CSMD1: variants seen among roughly 807,000 people sequenced by gnomAD.
CSMD1 encodes the protein CUB and Sushi multiple domains 1, also known as CUB and sushi domain-containing protein 1.
A neutral mutation model predicts 417.5 loss-of-function variants in CSMD1; 213 were observed. That is an observed-to-expected ratio of 0.51 (90% CI 0.46 to 0.57). The LOEUF is 0.57. Among genes scored for constraint, CSMD1 ranks in the 20% least tolerant of loss-of-function variants. The pLI is 0.00. For synonymous variants in CSMD1, 2,862 were observed against 1,736.8 expected (o/e 1.65, Z -16.11); for missense variants, 6,923 against 4,529.7 (o/e 1.53, Z -15.17).
At chr8:3,417,705 C>A (rs781420816) in intron 12 of CSMD1, among the ~76,000 whole-genome samples, 48 of 152,084 alleles carry the variant, frequency 3.2e-4, no homozygotes, top group Non-Finnish European at 6.0e-4. Flanking sequence ...CCACACTGTG[C>A]CTGCTCTTAG....
intron 1 of CSMD1, among the ~76,000 whole-genome samples, chr8:4,652,016 T>C (rs574037485): frequency 8.5e-5 from 13 of 152,330 alleles, no homozygotes; most frequent in Non-Finnish European, 1.6e-4. Flanking sequence ...AATGTCTAAG[T>C]CTCAGCTTTC....
chr8:4,085,312 G>T (rs957834620), intron 3 of CSMD1, among the ~76,000 whole-genome samples: 9 of 152,114 alleles, frequency 5.9e-5, no homozygotes, highest in African/African-American at 1.9e-4. Context: ...GAAGTTTAAT[G>T]AAGCTTCTTG....
chr8:3,897,480 AT>A (rs1196421633), intron 5 of CSMD1, among the ~76,000 whole-genome samples: 1 of 152,176 alleles, frequency 6.6e-6, no homozygotes, highest in African/African-American at 2.4e-5. Context: ...CTAAATTTTT[AT>A]TTATGATCTT....
intron 2 of CSMD1, among the ~76,000 whole-genome samples, chr8:4,508,430 C>A (rs1216163546): frequency 6.6e-6 from 1 of 152,118 alleles, no homozygotes; most frequent in Non-Finnish European, 1.5e-5. Context: ...TCAAAGTCAA[C>A]CCACTTAGAT....
At chr8:4,757,906 C>G (rs1811768691) in intron 1 of CSMD1, among the ~76,000 whole-genome samples, 1 of 148,996 alleles carries the variant, frequency 6.7e-6, no homozygotes, top group South Asian at 2.1e-4. Context: ...TTGAAGGGAG[C>G]CGACATTGTG....
chr8:4,270,242 T>C (rs1258476133), intron 3 of CSMD1, among the ~76,000 whole-genome samples: 1 of 152,194 alleles, frequency 6.6e-6, no homozygotes, highest in Non-Finnish European at 1.5e-5. Flanking sequence ...TTCTTTCTCA[T>C]GTCTCTTACA....
At chr8:4,961,579 T>C (rs10090818) in intron 1 of CSMD1, among the ~76,000 whole-genome samples, 1,953 of 152,310 alleles carry the variant, frequency 0.013, 34 homozygotes, top group African/African-American at 0.043. Context: ...TGTTATCTAG[T>C]GCTCATGGTT....
chr8:4,343,932 T>A lies in CSMD1; in HGVS notation c.415+76021A>T, dbSNP rs1800630858. Among the ~76,000 whole-genome samples the A allele has an allele frequency of 2.0e-5, 3 of 152,116 alleles. No homozygotes were observed. The South Asian group carries it at 6.2e-4, about 31-fold the overall frequency. On this transcript the variant is annotated intron_variant, in intron 3 of 69. Coordinates refer to ENST00000635120, the MANE Select transcript of CSMD1 (RefSeq NM_033225.6). ...CTTTTAAATACTGCCAAGAGAAGTG[T>A]TTTAAAAATTATAATAAGTATTTTC...
intron 21 of CSMD1, among the ~76,000 whole-genome samples, chr8:3,357,247 T>A (rs1026455646): frequency 1.3e-5 from 2 of 152,172 alleles, no homozygotes; most frequent in African/African-American, 2.4e-5. Context: ...TCCAAGGCCC[T>A]CCTGTCCAGT....
intron 3 of CSMD1, among the ~76,000 whole-genome samples, chr8:4,033,130 GAAAA>G (rs58668077): frequency 3.1e-4 from 25 of 80,654 alleles, no homozygotes; most frequent in Middle Eastern, 0.013. Flanking sequence ...TTTCCAATAT[GAAAA>G]AAAAAAAAAA....
chr8:4,874,432 C>G (rs1717922280), intron 1 of CSMD1, among the ~76,000 whole-genome samples: 1 of 148,928 alleles, frequency 6.7e-6, no homozygotes, highest in Non-Finnish European at 1.5e-5. Flanking sequence ...CTCTGTCACC[C>G]AGGCTGGCAT....
intron 3 of CSMD1, among the ~76,000 whole-genome samples, chr8:4,402,464 C>A (rs1379244542): frequency 1.3e-5 from 2 of 152,124 alleles, no homozygotes; most frequent in Admixed American, 1.3e-4. Flanking sequence ...GCTAAGCTTC[C>A]TGGTCTCTCT....
At chr8:4,893,352 C>G (rs868777090) in intron 1 of CSMD1, among the ~76,000 whole-genome samples, 3 of 151,886 alleles carry the variant, frequency 2.0e-5, no homozygotes, top group Admixed American at 6.5e-5. Flanking sequence ...TTTTCTGTCA[C>G]TTTTTTAACT....
chr8:3,539,226 T>A (rs561540398), intron 10 of CSMD1, among the ~76,000 whole-genome samples: 1 of 152,288 alleles, frequency 6.6e-6, no homozygotes, highest in East Asian at 1.9e-4. Context: ...GGCTGCCTCA[T>A]GTGTATCATT....
rs115201729 is a variant in CSMD1, at chr8:3,748,721, G to A, written c.931+5209C>T. ...CAAATTAGAATTAACCTGGGAACAT[G>A]GGGCTTTCAATAACTCAAAATGCCT... On this transcript the variant is annotated intron_variant, in intron 6 of 69. Transcript: ENST00000635120. Among the ~76,000 whole-genome samples the A allele has an allele frequency of 6.5e-3, 992 of 152,294 alleles. 12 individuals carry two copies. The highest frequency in any genetic ancestry group is 0.034 in the Middle Eastern group (10 of 294).
chr8:4,575,819 C>G (rs757287482), intron 2 of CSMD1, among the ~76,000 whole-genome samples: 4 of 152,126 alleles, frequency 2.6e-5, no homozygotes, highest in Admixed American at 1.3e-4. Flanking sequence ...AGTCTGAGGT[C>G]GCAATGTCCT....
At chr8:4,611,465 T>C (rs560001815) in intron 2 of CSMD1, among the ~76,000 whole-genome samples, 1 of 152,296 alleles carries the variant, frequency 6.6e-6, no homozygotes, top group South Asian at 2.1e-4. Flanking sequence ...CATTTCCTGA[T>C]TGTATAGTTT....
chr8:4,931,194 A>G (rs1296177469), intron 1 of CSMD1, among the ~76,000 whole-genome samples: 3 of 152,204 alleles, frequency 2.0e-5, no homozygotes, highest in Admixed American at 1.3e-4. Context: ...GCAGTCCTAA[A>G]AGATTGAAAT....
chr8:3,511,177 C>A (rs373173016), intron 10 of CSMD1, among the ~76,000 whole-genome samples: 1 of 151,604 alleles, frequency 6.6e-6, no homozygotes, highest in Non-Finnish European at 1.5e-5. Flanking sequence ...GGGAGTTGAA[C>A]AATGAGGACA....
Sources: allele counts gnomAD v4.1 joint callset (sites outside exome capture counted in the v4.1 genomes callset), GRCh38; gene constraint gnomAD v4.1.1; transcripts MANE v1.5; gene names NCBI Gene and HGNC (gene_info 2026-07-23, HGNC 2026-07-21).